TRIM2: variants seen among roughly 807,000 people sequenced by gnomAD.
TRIM2 encodes tripartite motif containing 2.
Under a neutral mutation model 75.2 loss-of-function variants are expected in TRIM2, and 20 were observed. The ratio of observed to expected loss-of-function variants is 0.27; its 90% CI spans 0.19 to 0.39. The LOEUF (loss-of-function observed/expected upper bound fraction) is 0.39, where lower values mean the gene tolerates loss of function less well. Among genes scored for constraint, TRIM2 ranks in the 10% least tolerant of loss-of-function variants. The probability of loss-of-function intolerance (pLI) is 1.00; values close to 1 mark genes in which losing one functional copy is unlikely to be tolerated. For missense variants in TRIM2, 660 were observed against 990.8 expected, an observed-to-expected ratio of 0.67 and a Z score of 4.48; for synonymous variants, 373 against 388.3, an observed-to-expected ratio of 0.96 and a Z score of 0.46.
At chr4:153,221,189 C>T (rs777784349) in intron 1 of TRIM2, among the ~76,000 whole-genome samples, 2 of 152,162 alleles carry the variant, frequency 1.3e-5, no homozygotes, top group African/African-American at 2.4e-5. Context: ...ACACATGCTA[C>T]GTGGATTCCT....
intron 1 of TRIM2, among the ~76,000 whole-genome samples, chr4:153,188,851 C>T (rs1034601707): frequency 6.6e-6 from 1 of 151,988 alleles, no homozygotes; most frequent in African/African-American, 2.4e-5. Context: ...AACATTTTAC[C>T]TTCAGAAGAA....
At chr4:153,265,587 C>T (rs1325575195) in intron 1 of TRIM2, 1 of 152,170 alleles carries the variant, frequency 6.6e-6, no homozygotes, top group African/African-American at 2.4e-5. Flanking sequence ...TCATGATCCA[C>T]CCACCTCGGC....
rs56226714 is a variant in TRIM2 at position 153,261,308 on chromosome 4, A to G, written c.31-9027A>G. Among the ~76,000 whole-genome samples, 297 of 152,290 alleles carry G rather than the reference A, an allele frequency of 2.0e-3. 1 individual carries two copies. Among genetic ancestry groups the G allele is most frequent in the African/African-American group, 6.9e-3 (288 of 41,554 alleles). ...TGTGGTGGGGTACACCTGTAATCCTAGCTATGCTGGAGGCTGAGGCAGGAG... is the reference window on the plus strand; with the variant it reads ...TGTGGTGGGGTACACCTGTAATCCTGGCTATGCTGGAGGCTGAGGCAGGAG... On this transcript the variant is annotated intron_variant, in intron 1 of 11. Transcript: ENST00000338700.
At chr4:153,321,959 A>G (rs1271113216) in intron 8 of TRIM2, among the ~76,000 whole-genome samples, 1 of 152,158 alleles carries the variant, frequency 6.6e-6, no homozygotes, top group African/African-American at 2.4e-5. Flanking sequence ...CATCTGTGCT[A>G]TTCCAGGTGT....
Position 153,174,346 on chromosome 4 carries a change from C to T in TRIM2, c.-49+21076C>T, listed in dbSNP as rs192903414. Among the ~76,000 whole-genome samples the T allele has an allele frequency of 1.4e-4, 22 of 152,116 alleles. No homozygotes were observed. The East Asian group carries it at 4.3e-3, about 30-fold the overall frequency. On this transcript the variant is annotated intron_variant, in intron 1 of 11. Transcript: ENST00000437508. ...CTTTCCATCCCTTCCCTCTTTCTTTCCTCTCCTGGTATAAGATCCAGGAAT... is the reference window on the plus strand; with the variant it reads ...CTTTCCATCCCTTCCCTCTTTCTTTTCTCTCCTGGTATAAGATCCAGGAAT...
At chr4:153,316,745 A>G (rs1055637033) in intron 8 of TRIM2, among the ~76,000 whole-genome samples, 1 of 152,192 alleles carries the variant, frequency 6.6e-6, no homozygotes, top group Admixed American at 6.5e-5. Flanking sequence ...CCCTCTGGTG[A>G]TAACAGAAAT....
chr4:153,328,738 C>T (rs1314656582), intron 11 of TRIM2, 68 bp downstream of exon 11: 2 of 1,456,912 alleles, frequency 1.4e-6, no homozygotes, highest in South Asian at 3.1e-5. Context: ...AATTTGCTGT[C>T]CCCCAAACTG....
intron 1 of TRIM2, among the ~76,000 whole-genome samples, chr4:153,155,874 T>G (rs556499347): frequency 6.6e-6 from 1 of 152,280 alleles, no homozygotes; most frequent in East Asian, 1.9e-4. Context: ...GAGGACAAAG[T>G]CTACCACTGC....
chr4:153,268,550 T>C (rs1755866775), intron 1 of TRIM2, among the ~76,000 whole-genome samples: 1 of 152,236 alleles, frequency 6.6e-6, no homozygotes, highest in Non-Finnish European at 1.5e-5. Context: ...TTTCTCTCTG[T>C]CTTTTATTTT....
At chr4:153,317,982 C>T (rs557238651) in intron 8 of TRIM2, among the ~76,000 whole-genome samples, 19 of 152,302 alleles carry the variant, frequency 1.2e-4, no homozygotes, top group African/African-American at 4.6e-4. Context: ...AGACCTATCT[C>T]ATAGGATTTA....
chr4:153,292,736 T>C (rs1762069575), intron 3 of TRIM2, among the ~76,000 whole-genome samples: 2 of 152,262 alleles, frequency 1.3e-5, no homozygotes, highest in Non-Finnish European at 1.5e-5. Flanking sequence ...CTGTACTGCC[T>C]TGGGGCAGTG....
At chr4:153,174,489 C>T (rs867919201) in intron 1 of TRIM2, among the ~76,000 whole-genome samples, 4 of 152,096 alleles carry the variant, frequency 2.6e-5, no homozygotes, top group Admixed American at 6.5e-5. Context: ...CTGCCCCCAC[C>T]GGGTGTGCAA....
intron 8 of TRIM2, 59 bp downstream of exon 8, chr4:153,316,058 A>C: frequency 6.8e-7 from 1 of 1,461,192 alleles, no homozygotes; most frequent in Non-Finnish European, 9.1e-7. Flanking sequence ...GAAATACAAA[A>C]TGAAATTGCA....
chr4:153,225,018 G>A (rs572991517), intron 1 of TRIM2, among the ~76,000 whole-genome samples: 1 of 152,278 alleles, frequency 6.6e-6, no homozygotes, highest in East Asian at 1.9e-4. Flanking sequence ...CCTTTTCTGA[G>A]CAGCAGTTAC....
intron 2 of TRIM2, among the ~76,000 whole-genome samples, chr4:153,273,421 G>A (rs1451112403): frequency 6.2e-5 from 9 of 144,182 alleles, no homozygotes; most frequent in Non-Finnish European, 1.4e-4. Context: ...GACTACAGGC[G>A]CCCGCCACCA....
intron 10 of TRIM2, among the ~76,000 whole-genome samples, chr4:153,327,030 G>A (rs1313552844): frequency 6.6e-6 from 1 of 151,118 alleles, no homozygotes; most frequent in Non-Finnish European, 1.5e-5. Context: ...ACTATTTGTA[G>A]GGCTTAGTAA....
At chr4:153,190,376 A>G (rs1733057135) in intron 1 of TRIM2, among the ~76,000 whole-genome samples, 1 of 152,256 alleles carries the variant, frequency 6.6e-6, no homozygotes, top group Non-Finnish European at 1.5e-5. Flanking sequence ...AGTAACATTT[A>G]CTGAGCACCT....
At chr4:153,219,701 C>T (rs569240724) in intron 1 of TRIM2, among the ~76,000 whole-genome samples, 22 of 152,096 alleles carry the variant, frequency 1.4e-4, no homozygotes, top group Non-Finnish European at 2.9e-4. Flanking sequence ...GACCCTGTCT[C>T]CCTGAAAAAT....
chr4:153,225,568 A>T (rs1441695831), intron 1 of TRIM2, among the ~76,000 whole-genome samples: 2 of 152,198 alleles, frequency 1.3e-5, no homozygotes, highest in Non-Finnish European at 2.9e-5. Flanking sequence ...CTATGAGTTT[A>T]ATTTAGTATT....
Sources: gnomAD v4.1 joint callset for allele counts (sites outside exome capture counted in the v4.1 genomes callset) on GRCh38, gnomAD v4.1.1 for gene constraint, MANE v1.5 for transcripts, NCBI Gene and HGNC (gene_info 2026-07-23, HGNC 2026-07-21) for gene names.